Variants in RPS6KC1 observed in about 807,000 individuals in gnomAD.
The protein encoded by RPS6KC1 is inactive ribosomal protein S6 kinase delta-1.
Under a neutral mutation model 103.8 loss-of-function variants are expected in RPS6KC1, and 54 were observed. The ratio of observed to expected loss-of-function variants is 0.52; its 90% CI spans 0.42 to 0.65. The LOEUF is 0.65. Among genes scored for constraint, RPS6KC1 ranks in the 30% least tolerant of loss-of-function variants. The probability of loss-of-function intolerance (pLI) is 0.00; values close to 1 mark genes in which losing one functional copy is unlikely to be tolerated. For synonymous variants in RPS6KC1, 439 were observed against 438.7 expected (o/e 1.00, Z -0.01); for missense variants, 1,151 against 1,253.8 (o/e 0.92, Z 1.24).
the RPS6KC1 span, among the ~76,000 whole-genome samples, chr1:213,741,697 C>G: frequency 1.3e-5 from 2 of 152,110 alleles, no homozygotes; most frequent in Non-Finnish European, 2.9e-5. Flanking sequence ...CTTTTAGAAT[C>G]AGCATATTTA....
intron 7 of RPS6KC1, among the ~76,000 whole-genome samples, chr1:213,170,263 C>T (rs562352349): frequency 6.6e-6 from 1 of 152,116 alleles, no homozygotes; most frequent in East Asian, 1.9e-4. Flanking sequence ...TGTTGAGCCT[C>T]CTGTATAGTT....
At chr1:213,444,620 G>A in the RPS6KC1 span, among the ~76,000 whole-genome samples, 1 of 151,916 alleles carries the variant, frequency 6.6e-6, no homozygotes, top group Admixed American at 6.5e-5. Context: ...AGCTGGGCGT[G>A]GTGGTGTGCA....
chr1:213,239,011 G>T (rs1427294126), intron 10 of RPS6KC1, among the ~76,000 whole-genome samples: 1 of 152,152 alleles, frequency 6.6e-6, no homozygotes, highest in Non-Finnish European at 1.5e-5. Context: ...ATAGACTAAA[G>T]AATATAGACT....
intron 5 of RPS6KC1, among the ~76,000 whole-genome samples, chr1:213,128,403 T>C (rs1268406785): frequency 2.0e-5 from 3 of 152,234 alleles, no homozygotes; most frequent in Non-Finnish European, 4.4e-5. Flanking sequence ...TCAATATTGG[T>C]ATTTAATAAA....
chr1:213,234,014 C>CTTT (rs565425301), intron 10 of RPS6KC1, among the ~76,000 whole-genome samples: 2 of 135,152 alleles, frequency 1.5e-5, no homozygotes, highest in East Asian at 2.1e-4. Context: ...CTCTCTCTCT[C>CTTT]TTTTTTTTTT....
At chr1:213,777,686 G>T in the RPS6KC1 span, among the ~76,000 whole-genome samples, 12 of 152,148 alleles carry the variant, frequency 7.9e-5, no homozygotes, top group Non-Finnish European at 1.5e-4. Flanking sequence ...GTAAAGCAAG[G>T]TGCAATAAAA....
At chr1:213,381,178 G>C in the RPS6KC1 span, among the ~76,000 whole-genome samples, 1 of 152,168 alleles carries the variant, frequency 6.6e-6, no homozygotes, top group Non-Finnish European at 1.5e-5. Context: ...AAAGAGTGAC[G>C]AGCAGGAAGC....
the RPS6KC1 span, among the ~76,000 whole-genome samples, chr1:213,856,504 T>C: frequency 1.4e-5 from 2 of 138,458 alleles, no homozygotes; most frequent in African/African-American, 5.3e-5. Flanking sequence ...TTCCCTCCTC[T>C]ATTCCTTTCT....
chr1:213,716,425 T>A, the RPS6KC1 span, among the ~76,000 whole-genome samples: 1 of 152,186 alleles, frequency 6.6e-6, no homozygotes, highest in East Asian at 1.9e-4. Flanking sequence ...TCTTAACTGA[T>A]CCCCTTTCCT....
the RPS6KC1 span, among the ~76,000 whole-genome samples, chr1:213,531,303 T>C: frequency 3.3e-5 from 5 of 152,212 alleles, no homozygotes; most frequent in Admixed American, 3.3e-4. Flanking sequence ...ATAATATAGT[T>C]TGGCTCCTGA....
chr1:213,355,177 A>T, the RPS6KC1 span, among the ~76,000 whole-genome samples: 5 of 152,068 alleles, frequency 3.3e-5, no homozygotes, highest in Non-Finnish European at 1.5e-5. Context: ...AGATCGCGCC[A>T]CTGCACTCAT....
At chr1:213,588,790 C>A in the RPS6KC1 span, among the ~76,000 whole-genome samples, 1 of 152,140 alleles carries the variant, frequency 6.6e-6, no homozygotes, top group Non-Finnish European at 1.5e-5. Flanking sequence ...GGTCCCTCTG[C>A]AGGAGGTGCA....
chr1:213,413,655 C>A, the RPS6KC1 span, among the ~76,000 whole-genome samples: 1 of 152,180 alleles, frequency 6.6e-6, no homozygotes, highest in Non-Finnish European at 1.5e-5. Flanking sequence ...CAGCTGACTT[C>A]CCCCAGAGCA....
chr1:213,433,393 A>C, the RPS6KC1 span, among the ~76,000 whole-genome samples: 6,731 of 152,310 alleles, frequency 0.044, 165 homozygotes, highest in African/African-American at 0.06. Context: ...TGTAAGGTAA[A>C]ATATTCACAG....
chr1:213,286,063 C>T, the RPS6KC1 span, among the ~76,000 whole-genome samples: 1 of 152,178 alleles, frequency 6.6e-6, no homozygotes, highest in Non-Finnish European at 1.5e-5. Context: ...CATAATTCTG[C>T]CATGTCTTCT....
the RPS6KC1 span, among the ~76,000 whole-genome samples, chr1:213,433,364 T>G: frequency 1.3e-5 from 2 of 152,358 alleles, no homozygotes; most frequent in East Asian, 3.9e-4. Context: ...TAATTACAAC[T>G]GCAAAGCCCC....
chr1:213,188,820 A>G (rs1163568856), intron 8 of RPS6KC1, among the ~76,000 whole-genome samples: 1 of 135,728 alleles, frequency 7.4e-6, no homozygotes, highest in Non-Finnish European at 1.7e-5. Flanking sequence ...GTTTCTATCA[A>G]ATTTTCCGCA....
intron 12 of RPS6KC1, among the ~76,000 whole-genome samples, chr1:213,242,862 G>A (rs188824365): frequency 2.0e-5 from 3 of 152,124 alleles, no homozygotes; most frequent in African/African-American, 7.2e-5. Flanking sequence ...ATGTATGTGT[G>A]TCCACATATT....
At chr1:213,652,755 A>G in the RPS6KC1 span, among the ~76,000 whole-genome samples, 1 of 152,168 alleles carries the variant, frequency 6.6e-6, no homozygotes, top group Non-Finnish European at 1.5e-5. Flanking sequence ...TCTGTACCAG[A>G]TGTGCGAGTG....
Sources: allele counts gnomAD v4.1 joint callset (sites outside exome capture counted in the v4.1 genomes callset), GRCh38; gene constraint gnomAD v4.1.1; transcripts MANE v1.5; gene names NCBI Gene and HGNC (gene_info 2026-07-23, HGNC 2026-07-21).